Variants in SMIM31 observed in about 807,000 individuals in gnomAD.
SMIM31 encodes the protein human epithelial cell program regulator.
At chr4:164,782,821 CTG>C (rs1214303021) in intron 2 of SMIM31, among the ~76,000 whole-genome samples, 1 of 152,054 alleles carries the variant, frequency 6.6e-6, no homozygotes, top group Non-Finnish European at 1.5e-5. Context: ...AACTGGATAT[CTG>C]TACATACAGG....
intron 1 of SMIM31, among the ~76,000 whole-genome samples, chr4:164,759,254 C>A (rs1376869133): frequency 6.6e-6 from 1 of 152,050 alleles, no homozygotes; most frequent in Non-Finnish European, 1.5e-5. Context: ...ATTTCCTCTG[C>A]CTCTATTTTC....
At chr4:164,775,929 C>G (rs1364999484) in intron 2 of SMIM31, among the ~76,000 whole-genome samples, 1 of 152,152 alleles carries the variant, frequency 6.6e-6, no homozygotes, top group African/African-American at 2.4e-5. Context: ...GTGATATACT[C>G]CAATACTTTG....
intron 2 of SMIM31, among the ~76,000 whole-genome samples, chr4:164,772,704 G>A (rs1303847801): frequency 7.3e-5 from 11 of 151,044 alleles, no homozygotes; most frequent in Admixed American, 2.6e-4. Context: ...TCAGCCTCCC[G>A]TGTAGCTGGG....
intron 2 of SMIM31, among the ~76,000 whole-genome samples, chr4:164,782,377 A>AT (rs760284575): frequency 0.063 from 6,224 of 98,658 alleles, 295 homozygotes; most frequent in Non-Finnish European, 0.083. Flanking sequence ...TCTTTCTTTT[A>AT]TTTTTTTTTT....
chr4:164,773,942 G>A (rs889441842), intron 2 of SMIM31, among the ~76,000 whole-genome samples: 7 of 152,050 alleles, frequency 4.6e-5, no homozygotes, highest in South Asian at 2.1e-4. Flanking sequence ...CGAGGCGGGC[G>A]GATCACAAGG....
intron 2 of SMIM31, among the ~76,000 whole-genome samples, chr4:164,780,241 C>T (rs1732930063): frequency 6.6e-6 from 1 of 152,202 alleles, no homozygotes; most frequent in South Asian, 2.1e-4. Context: ...GCCTGGCCAA[C>T]ATGGTGAAAC....
rs1222538687 is a variant in SMIM31 at position 164,802,897 on chromosome 4, G to A, written c.*1703G>A. The A allele has an allele frequency of 6.6e-6, 1 of 152,232 alleles. No individual in the cohort carries two copies. The highest frequency in any genetic ancestry group is 1.9e-4 in the East Asian group (1 of 5,200). The allele number at this position is 152,232 out of a possible 1,614,324, so 9.4% of individuals were successfully genotyped here. The stretch of plus-strand genomic sequence containing the variant: ...GACAGAGAATGGGCTTTGGAGATGA[G>A]CAGATCTGGGTTTGAGTCTGCTCCA... On this transcript the variant is annotated 3_prime_UTR_variant, in exon 3 of 3. Coordinates refer to ENST00000507311, the MANE Select transcript of SMIM31 (RefSeq NM_001352885.1).
intron 2 of SMIM31, among the ~76,000 whole-genome samples, chr4:164,798,044 G>C (rs1733227904): frequency 6.6e-6 from 1 of 152,094 alleles, no homozygotes; most frequent in Admixed American, 6.5e-5. Flanking sequence ...TTCCATCCAT[G>C]TTGCTGCAAA....
At chr4:164,799,576 C>T (rs2110968381) in intron 2 of SMIM31, among the ~76,000 whole-genome samples, 1 of 152,166 alleles carries the variant, frequency 6.6e-6, no homozygotes, top group Non-Finnish European at 1.5e-5. Context: ...TTGTTCTATT[C>T]AGGCCCTCAA....
rs919279217 is a variant in SMIM31 at position 164,801,351 on chromosome 4, G to A, written c.*157G>A. Reference sequence around the variant, plus strand: ...ATAACCATTAATGAACTCAATACTCGGGAAAGGCTTCACATTTCTGGGACT... The same window carrying A: ...ATAACCATTAATGAACTCAATACTCAGGAAAGGCTTCACATTTCTGGGACT... On this transcript the variant is annotated 3_prime_UTR_variant, in exon 3 of 3. Coordinates refer to ENST00000507311, the MANE Select transcript of SMIM31 (RefSeq NM_001352885.1). 17 of 387,822 alleles carry A rather than the reference G, an allele frequency of 4.4e-5. No individual in the cohort carries two copies. Among genetic ancestry groups the A allele is most frequent in the African/African-American group, 1.7e-4 (8 of 48,290 alleles). 24.0% of individuals were successfully genotyped at this position (387,822 alleles called of 1,614,324 possible). A position where few individuals can be genotyped will look rare whatever the true frequency, so the allele number is the denominator to read the frequency against.
chr4:164,785,283 G>T lies in SMIM31; in HGVS notation c.112+14728G>T, dbSNP rs946695250. On this transcript the variant is annotated intron_variant, in intron 2 of 2. Transcript: ENST00000507311. The stretch of plus-strand genomic sequence containing the variant: ...TTGTAACATTTACTAAAAGAAGAAT[G>T]ATTTCTTCATGACAAGAGCAATTAA... Among the ~76,000 whole-genome samples, 14 of 152,092 alleles carry T rather than the reference G, an allele frequency of 9.2e-5. No homozygotes were observed. In the Middle Eastern group the frequency reaches 0.01, roughly 111 times the overall value.
At chr4:164,789,419 T>C (rs1451094190) in intron 2 of SMIM31, among the ~76,000 whole-genome samples, 2 of 152,226 alleles carry the variant, frequency 1.3e-5, no homozygotes, top group Non-Finnish European at 2.9e-5. Context: ...AACTTAAGAA[T>C]CTTGTACTTA....
At chr4:164,788,478 C>CTTTTGTTTTTTTTTTTTTTTTT (rs1733056085) in intron 2 of SMIM31, among the ~76,000 whole-genome samples, 1 of 58,162 alleles carries the variant, frequency 1.7e-5, no homozygotes, top group African/African-American at 7.2e-5. Flanking sequence ...TCTAATTTTT[C>CTTTTGTTTTTTTTTTTTTTTTT]TTTTTTTTTT....
intron 2 of SMIM31, among the ~76,000 whole-genome samples, chr4:164,780,224 A>G (rs541202651): frequency 1.3e-3 from 194 of 152,312 alleles, no homozygotes; most frequent in Admixed American, 2.1e-3. Context: ...TCAGGAGATC[A>G]AGACCAGCCT....
rs182977585 is a variant in SMIM31 at position 164,784,931 on chromosome 4, T to C, written c.112+14376T>C. 9.2e-3 allele frequency among the ~76,000 whole-genome samples: 1,374 copies of C among 149,770 alleles called. 42 individuals are homozygous for C. The highest frequency in any genetic ancestry group is 0.014 in the Middle Eastern group (4 of 290). On this transcript the variant is annotated intron_variant, in intron 2 of 2. Transcript: ENST00000507311. The stretch of plus-strand genomic sequence containing the variant: ...TTTTTAATTCCGTGAGTTGTAAAAA[T>C]AATCTTGTAAAGCCGGGCGCGGTGG...
chr4:164,800,433 C>T (rs1309161986), intron 2 of SMIM31, among the ~76,000 whole-genome samples: 1 of 152,066 alleles, frequency 6.6e-6, no homozygotes, highest in Non-Finnish European at 1.5e-5. Flanking sequence ...GTTTTGAACT[C>T]CTGGGTTCAA....
At chr4:164,792,787 A>G (rs78993440) in intron 2 of SMIM31, among the ~76,000 whole-genome samples, 12,638 of 152,212 alleles carry the variant, frequency 0.083, 535 homozygotes, top group Non-Finnish European at 0.094. Context: ...TAAAATTCAT[A>G]TAGAATCTCA....
At chr4:164,789,461 G>A (rs1303948885) in intron 2 of SMIM31, among the ~76,000 whole-genome samples, 3 of 152,274 alleles carry the variant, frequency 2.0e-5, no homozygotes, top group South Asian at 4.1e-4. Flanking sequence ...TAACCTGAAC[G>A]TTTTAAATGA....
chr4:164,763,728 A>G (rs890208044), intron 1 of SMIM31, among the ~76,000 whole-genome samples: 1 of 152,236 alleles, frequency 6.6e-6, no homozygotes, highest in African/African-American at 2.4e-5. Flanking sequence ...TATGGAAAAG[A>G]TAACCTTGTT....
Sources: allele counts gnomAD v4.1 joint callset (sites outside exome capture counted in the v4.1 genomes callset), GRCh38; gene constraint gnomAD v4.1.1; transcripts MANE v1.5; gene names NCBI Gene and HGNC (gene_info 2026-07-23, HGNC 2026-07-21).